AHI1: variants seen among roughly 807,000 people sequenced by gnomAD.
The protein encoded by AHI1 is Abelson helper integration site 1, also known as jouberin.
A neutral mutation model predicts 149.3 loss-of-function variants in AHI1; 123 were observed. The ratio of observed to expected loss-of-function variants is 0.82; its 90% confidence interval spans 0.71 to 0.96. AHI1 has a LOEUF of 0.96. AHI1 is among the 40% of genes least tolerant of loss of function. The pLI, the probability that AHI1 is intolerant of heterozygous loss-of-function variation, is 0.00. For missense variants in AHI1, 1,439 were observed against 1,422.7 expected (o/e 1.01, Z -0.18); for synonymous variants, 475 against 459.8 (o/e 1.03, Z -0.42).
At chr6:135,331,679 G>T (rs140266848) in intron 24 of AHI1, among the ~76,000 whole-genome samples, 10 of 152,140 alleles carry the variant, frequency 6.6e-5, no homozygotes, top group African/African-American at 2.4e-4. Context: ...ATTGATGTTC[G>T]TAATACCTCC....
intron 22 of AHI1, among the ~76,000 whole-genome samples, chr6:135,396,994 A>C (rs1779309894): frequency 6.6e-6 from 1 of 151,936 alleles, no homozygotes; most frequent in African/African-American, 2.4e-5. Context: ...ATTCTTTTAC[A>C]ACAAAATTTT....
At chr6:135,304,253 A>G (rs1332127546) in intron 26 of AHI1, among the ~76,000 whole-genome samples, 2 of 151,970 alleles carry the variant, frequency 1.3e-5, no homozygotes, top group African/African-American at 4.8e-5. Context: ...AGGTTTCACT[A>G]TATTGTCCAG....
intron 16 of AHI1, 65 bp downstream of exon 16, chr6:135,432,962 A>T: frequency 8.2e-7 from 1 of 1,219,148 alleles, no homozygotes; most frequent in Non-Finnish European, 1.2e-6. Flanking sequence ...AAGCCTAAAT[A>T]ACTATTATTC....
intron 24 of AHI1, among the ~76,000 whole-genome samples, chr6:135,324,250 C>T (rs1397802497): frequency 6.6e-6 from 1 of 152,000 alleles, no homozygotes; most frequent in African/African-American, 2.4e-5. Context: ...TCACTTGAGC[C>T]CCAGGGTTTG....
At chr6:135,390,806 G>T (rs911530832) in intron 23 of AHI1, among the ~76,000 whole-genome samples, 1 of 152,124 alleles carries the variant, frequency 6.6e-6, no homozygotes, top group Non-Finnish European at 1.5e-5. Flanking sequence ...GAGTTTTGTT[G>T]AAGATCAAAT....
chr6:135,306,587 A>T (rs1377866860), intron 26 of AHI1, among the ~76,000 whole-genome samples: 1 of 152,216 alleles, frequency 6.6e-6, no homozygotes, highest in Non-Finnish European at 1.5e-5. Flanking sequence ...AGTAATCACA[A>T]ATCTCATGAA....
chr6:135,394,752 TG>T, intron 23 of AHI1, 23 bp downstream of exon 23: 1 of 1,608,464 alleles, frequency 6.2e-7, no homozygotes. Flanking sequence ...TTAAAAGAAT[TG>T]TCAAAGTAAG....
chr6:135,291,874 A>G (rs1782395687), intron 27 of AHI1, among the ~76,000 whole-genome samples: 1 of 152,132 alleles, frequency 6.6e-6, no homozygotes, highest in Non-Finnish European at 1.5e-5. Context: ...TATATTCTAG[A>G]CTGATAAGGT....
At chr6:135,403,795 C>T (rs1780359626) in intron 22 of AHI1, among the ~76,000 whole-genome samples, 1 of 152,022 alleles carries the variant, frequency 6.6e-6, no homozygotes, top group Admixed American at 6.6e-5. Context: ...GTTCTCTTTT[C>T]CCCCCTCGTC....
At chr6:135,300,761 C>T (rs1029397010) in intron 26 of AHI1, 26 of 1,180,464 alleles carry the variant, frequency 2.2e-5, no homozygotes, top group Non-Finnish European at 1.0e-6. Context: ...GGAAGTAGTT[C>T]TCCAGAGAGT....
chr6:135,339,810 G>A (rs1582681420), intron 24 of AHI1, among the ~76,000 whole-genome samples: 1 of 152,286 alleles, frequency 6.6e-6, no homozygotes, highest in African/African-American at 2.4e-5. Context: ...ACATTGACAA[G>A]CTAAATCAAC....
intron 6 of AHI1, 138 bp downstream of exon 6, chr6:135,467,443 C>A (rs1033063885): frequency 1.8e-5 from 12 of 669,120 alleles, no homozygotes; most frequent in Non-Finnish European, 2.8e-5. Context: ...AAATAAAATT[C>A]TGAATGATAA....
chr6:135,402,016 T>C (rs1160812998), intron 22 of AHI1, among the ~76,000 whole-genome samples: 1 of 151,800 alleles, frequency 6.6e-6, no homozygotes, highest in Non-Finnish European at 1.5e-5. Flanking sequence ...TAAAACCAGG[T>C]GAAATATTTA....
At chr6:135,488,723 C>T (rs141777141) in intron 5 of AHI1, among the ~76,000 whole-genome samples, 124 of 152,222 alleles carry the variant, frequency 8.1e-4, no homozygotes, top group African/African-American at 2.6e-3. Context: ...CTTTTTTCCT[C>T]GCTTAATTTT....
At chr6:135,314,119 G>A (rs1187474171) in intron 26 of AHI1, among the ~76,000 whole-genome samples, 1 of 152,174 alleles carries the variant, frequency 6.6e-6, no homozygotes, top group Non-Finnish European at 1.5e-5. Context: ...TTAACCTTAT[G>A]TTTATGTTAT....
chr6:135,303,045 G>A (rs1032985603), intron 26 of AHI1, among the ~76,000 whole-genome samples: 2 of 152,168 alleles, frequency 1.3e-5, no homozygotes, highest in Admixed American at 1.3e-4. Flanking sequence ...AGAATCTAGA[G>A]ACTTGCGCTT....
intron 24 of AHI1, among the ~76,000 whole-genome samples, chr6:135,331,432 T>G (rs1235636084): frequency 6.6e-6 from 1 of 152,174 alleles, no homozygotes; most frequent in Admixed American, 6.5e-5. Flanking sequence ...TTCACTCTTT[T>G]CCAGCACTGC....
intron 22 of AHI1, among the ~76,000 whole-genome samples, chr6:135,403,799 C>G (rs1295304862): frequency 1.3e-5 from 2 of 152,076 alleles, no homozygotes; most frequent in Non-Finnish European, 2.9e-5. Flanking sequence ...TCTTTTCCCC[C>G]CTCGTCTTCC....
At chr6:135,408,598 A>T (rs1464329347) in intron 21 of AHI1, among the ~76,000 whole-genome samples, 3 of 152,158 alleles carry the variant, frequency 2.0e-5, no homozygotes, top group African/African-American at 7.2e-5. Flanking sequence ...CAAGTCTCTA[A>T]CTTTAGAAAG....
Sources: allele counts gnomAD v4.1 joint callset (sites outside exome capture counted in the v4.1 genomes callset), GRCh38; gene constraint gnomAD v4.1.1; transcripts MANE v1.5; gene names NCBI Gene and HGNC (gene_info 2026-07-23, HGNC 2026-07-21).